WDR64: variants seen among roughly 807,000 people sequenced by gnomAD.
WDR64 encodes WD repeat domain 64.
In WDR64, 112 loss-of-function variants were observed where a neutral mutation model predicts 139.3. That is an observed-to-expected ratio of 0.80 (90% CI 0.69 to 0.94). The LOEUF is 0.94. Among genes scored for constraint, WDR64 ranks in the 40% least tolerant of loss-of-function variants. WDR64 has a pLI of 0.00. For synonymous variants in WDR64, 444 were observed against 437.7 expected, an observed-to-expected ratio of 1.01 and a Z score of -0.18; for missense variants, 1,206 against 1,293.1, an observed-to-expected ratio of 0.93 and a Z score of 1.03.
At chr1:241,748,953 G>A (rs75237771) in intron 13 of WDR64, among the ~76,000 whole-genome samples, 1 of 146,370 alleles carries the variant, frequency 6.8e-6, no homozygotes, top group Non-Finnish European at 1.5e-5. Flanking sequence ...AAAAAAAAAA[G>A]AAAGAAAGAA....
At chr1:241,761,278 T>TGATGTTAAA (rs1657883777) in intron 15 of WDR64, among the ~76,000 whole-genome samples, 1 of 152,060 alleles carries the variant, frequency 6.6e-6, no homozygotes, top group Non-Finnish European at 1.5e-5. Context: ...CATTGAAAAA[T>TGATGTTAAA]CTAGTTAAAA....
intron 8 of WDR64, among the ~76,000 whole-genome samples, chr1:241,692,037 A>T (rs866070195): frequency 1.3e-5 from 2 of 152,144 alleles, no homozygotes; most frequent in East Asian, 1.9e-4. Context: ...ATAAAAAAAA[A>T]AAAAAGAAAC....
At chr1:241,725,661 C>T (rs1668797743) in intron 10 of WDR64, among the ~76,000 whole-genome samples, 2 of 152,198 alleles carry the variant, frequency 1.3e-5, no homozygotes, top group Admixed American at 6.5e-5. Flanking sequence ...CTCCAGTTCA[C>T]AACTGAGGAC....
At chr1:241,733,479 A>AAAAAG (rs886547853) in intron 10 of WDR64, among the ~76,000 whole-genome samples, 4 of 149,398 alleles carry the variant, frequency 2.7e-5, no homozygotes, top group African/African-American at 5.1e-5. Flanking sequence ...CTGTCTCAAA[A>AAAAAG]AAAAGAAAAG....
intron 2 of WDR64, among the ~76,000 whole-genome samples, chr1:241,663,880 G>A (rs1031365157): frequency 1.3e-5 from 2 of 152,192 alleles, no homozygotes; most frequent in Non-Finnish European, 1.5e-5. Context: ...CCTTGGCCTG[G>A]GCCTAAAAGC....
At chr1:241,737,906 G>A (rs1329395011) in intron 10 of WDR64, among the ~76,000 whole-genome samples, 1 of 152,118 alleles carries the variant, frequency 6.6e-6, no homozygotes, top group East Asian at 1.9e-4. Flanking sequence ...TGGAGAGGGA[G>A]GTTTTTAGTA....
In WDR64 at chr1:241,739,771, A is replaced by G. The variant is rs564507364; in HGVS notation, c.1321+1282A>G. On this transcript the variant is annotated intron_variant, in intron 11 of 27. Transcript: ENST00000437684. ...TGATAGCACCTCTGTTTGCAAAAATATAAAGCTCTGTGTATTGTTCAATCA... is the reference window on the plus strand; with the variant it reads ...TGATAGCACCTCTGTTTGCAAAAATGTAAAGCTCTGTGTATTGTTCAATCA... Among the ~76,000 whole-genome samples the G allele has an allele frequency of 1.2e-4, 18 of 152,364 alleles. No homozygotes were observed. In the South Asian group the frequency reaches 3.3e-3, roughly 28 times the overall value.
chr1:241,800,024 G>A (rs1450197073), intron 27 of WDR64, among the ~76,000 whole-genome samples: 1 of 152,180 alleles, frequency 6.6e-6, no homozygotes. Flanking sequence ...CTCTGCTGCA[G>A]TGCCAATGTC....
chr1:241,696,113 C>CAAAAAAAAAAAA (rs541301982), intron 8 of WDR64, among the ~76,000 whole-genome samples: 360 of 22,322 alleles, frequency 0.016, 82 homozygotes, highest in East Asian at 0.03. Context: ...GACCCAGTAT[C>CAAAAAAAAAAAA]AAAAAAAAAA....
intron 6 of WDR64, among the ~76,000 whole-genome samples, chr1:241,680,604 C>T (rs901400881): frequency 1.3e-5 from 2 of 152,170 alleles, no homozygotes; most frequent in African/African-American, 4.8e-5. Flanking sequence ...CTCTTCTTCC[C>T]TTCTTGCCTA....
chr1:241,753,293 T>C (rs188955650), intron 14 of WDR64, among the ~76,000 whole-genome samples: 2 of 152,224 alleles, frequency 1.3e-5, no homozygotes, highest in East Asian at 3.8e-4. Flanking sequence ...CTTTTCAACA[T>C]AGAAAGAGTC....
intron 7 of WDR64, among the ~76,000 whole-genome samples, chr1:241,687,253 G>A (rs1006195144): frequency 2.0e-5 from 3 of 148,906 alleles, no homozygotes; most frequent in South Asian, 2.1e-4. Flanking sequence ...GCAGTGAGCC[G>A]AGATCGCACC....
intron 12 of WDR64, among the ~76,000 whole-genome samples, chr1:241,742,987 T>G (rs1021648376): frequency 6.6e-6 from 1 of 152,214 alleles, no homozygotes; most frequent in African/African-American, 2.4e-5. Flanking sequence ...CAGACAGCAT[T>G]CCTCTGGGGA....
chr1:241,791,687 G>A (rs1189082096), intron 25 of WDR64, among the ~76,000 whole-genome samples: 5 of 151,074 alleles, frequency 3.3e-5, no homozygotes, highest in Non-Finnish European at 4.4e-5. Context: ...AAAAAAAAAA[G>A]AAAAAACAAC....
chr1:241,752,330 T>A (rs1459566227), intron 14 of WDR64, among the ~76,000 whole-genome samples: 1 of 152,252 alleles, frequency 6.6e-6, no homozygotes, highest in Non-Finnish European at 1.5e-5. Context: ...TTTAAGATTA[T>A]ATCTTTCCTA....
chr1:241,686,739 T>G (rs1667018452), intron 7 of WDR64, among the ~76,000 whole-genome samples: 1 of 152,190 alleles, frequency 6.6e-6, no homozygotes, highest in African/African-American at 2.4e-5. Context: ...TCACCAGTGA[T>G]CTCAGATTTT....
Position 241,770,605 on chromosome 1 carries a change from C to T in WDR64, c.2184-16C>T. ...TCTTAAAGTTTTACCTGTGGGCTTC[C>T]CCACTCCCCTTATAGGAGATCAAGT... On this transcript the variant is annotated splice_polypyrimidine_tract_variant and intron_variant, in intron 17 of 27. Coordinates refer to ENST00000437684, the MANE Select transcript of WDR64 (RefSeq NM_001367482.1). 3.9e-6 allele frequency: 6 copies of T among 1,548,620 alleles called. No individual in the cohort carries two copies. Among genetic ancestry groups the T allele is most frequent in the Non-Finnish European group, 5.2e-6 (6 of 1,145,652 alleles).
In WDR64 at chr1:241,687,349, T is replaced by C. The variant is rs563164655; in HGVS notation, c.840-112T>C. ...TGTTATAATGCATTGGGCTGTATTCTACATTTGGGTTTAGTACAATTCAGT... is the reference window on the plus strand; with the variant it reads ...TGTTATAATGCATTGGGCTGTATTCCACATTTGGGTTTAGTACAATTCAGT... On this transcript the variant is annotated intron_variant, in intron 7 of 27. Transcript: ENST00000437684. 3.3e-6 allele frequency: 4 copies of C among 1,221,640 alleles called. No homozygotes were observed. In the South Asian group the frequency reaches 5.4e-5, roughly 17 times the overall value. 75.7% of individuals were successfully genotyped at this position (1,221,640 alleles called of 1,614,324 possible).
intron 9 of WDR64, among the ~76,000 whole-genome samples, chr1:241,714,992 T>C (rs1668347505): frequency 6.6e-6 from 1 of 152,202 alleles, no homozygotes; most frequent in South Asian, 2.1e-4. Flanking sequence ...GGAACCCAGT[T>C]TGCCAATTAG....
Sources: gnomAD v4.1 joint callset for allele counts (sites outside exome capture counted in the v4.1 genomes callset) on GRCh38, gnomAD v4.1.1 for gene constraint, MANE v1.5 for transcripts, NCBI Gene and HGNC (gene_info 2026-07-23, HGNC 2026-07-21) for gene names.